The following TFAP2B variants were observed in gnomAD, a reference collection of about 807,000 sequenced individuals.
The protein encoded by TFAP2B is transcription factor AP-2 beta, also known as transcription factor AP-2-beta.
A neutral mutation model predicts 44.3 loss-of-function variants in TFAP2B; 9 were observed. That is an observed-to-expected ratio of 0.20 (90% CI 0.12 to 0.35). TFAP2B has a LOEUF of 0.35. Ranked by LOEUF, TFAP2B falls within the 10% of genes least tolerant of loss-of-function variation. The pLI, the probability that TFAP2B is intolerant of heterozygous loss-of-function variation, is 1.00. For synonymous variants in TFAP2B, 270 were observed against 263.8 expected (o/e 1.02, Z -0.23); for missense variants, 509 against 600.0 (o/e 0.85, Z 1.59).
intron 6 of TFAP2B, among the ~76,000 whole-genome samples, chr6:50,840,899 T>C (rs1762713638): frequency 6.6e-6 from 1 of 152,260 alleles, no homozygotes; most frequent in South Asian, 2.1e-4. Context: ...TGTCATATTG[T>C]TGGTGTTTTA....
intron 3 of TFAP2B, among the ~76,000 whole-genome samples, chr6:50,833,675 T>C (rs1247554751): frequency 6.6e-6 from 1 of 152,102 alleles, no homozygotes; most frequent in Non-Finnish European, 1.5e-5. Context: ...CCAAAGGAAA[T>C]AGCTCTTGTC....
At chr6:50,825,969 G>A (rs981521039) in intron 2 of TFAP2B, among the ~76,000 whole-genome samples, 1 of 152,196 alleles carries the variant, frequency 6.6e-6, no homozygotes, top group Non-Finnish European at 1.5e-5. Flanking sequence ...AGGCCAGGGT[G>A]AAGTTGACTG....
In TFAP2B at chr6:50,836,057, CTAG is replaced by C. The variant is rs761259334; in HGVS notation, c.602-2_602del. ...CTTTATGGCAATTTTTTCTCTCTTT[CTAG>C]TTCCAGTTCCTCCCAAATCGGTGAC... On this transcript the variant is annotated splice_acceptor_variant and splice_polypyrimidine_tract_variant and intron_variant, in intron 3 of 6. Coordinates refer to ENST00000393655, the MANE Select transcript of TFAP2B (RefSeq NM_003221.4). LOFTEE classifies it high-confidence loss of function. The C allele has an allele frequency of 1.2e-6, 2 of 1,613,308 alleles. No homozygotes were observed. The highest frequency in any genetic ancestry group is 1.7e-6 in the Non-Finnish European group (2 of 1,179,384).
intron 1 of TFAP2B, among the ~76,000 whole-genome samples, chr6:50,821,071 G>A (rs1770330532): frequency 6.6e-6 from 1 of 152,228 alleles, no homozygotes; most frequent in Non-Finnish European, 1.5e-5. Context: ...GACTAAGGTT[G>A]AACTTTAACA....
intron 3 of TFAP2B, 41 bp from the exon 4 acceptor site, chr6:50,836,020 A>G: frequency 6.5e-7 from 1 of 1,535,886 alleles, no homozygotes; most frequent in South Asian, 1.1e-5. Context: ...ATCAGGATCG[A>G]AACTTGGTCA....
At chr6:50,841,065 A>T (rs1438251222) in intron 6 of TFAP2B, among the ~76,000 whole-genome samples, 1 of 152,234 alleles carries the variant, frequency 6.6e-6, no homozygotes, top group Non-Finnish European at 1.5e-5. Flanking sequence ...AGGCTGAAAA[A>T]TCATTTGCTC....
At chr6:50,842,990 T>C in intron 6 of TFAP2B, 102 bp from the exon 7 acceptor site, 3 of 1,496,456 alleles carry the variant, frequency 2.0e-6, no homozygotes, top group Non-Finnish European at 1.9e-6. Context: ...GCCTCGCTCT[T>C]CGGTGACCCG....
intron 2 of TFAP2B, among the ~76,000 whole-genome samples, chr6:50,826,409 A>G (rs1449400051): frequency 6.6e-6 from 1 of 152,186 alleles, no homozygotes; most frequent in Non-Finnish European, 1.5e-5. Flanking sequence ...ATGAGAGAAG[A>G]GAAAGAGGAG....
At chr6:50,824,913 A>G (rs540155291) in intron 2 of TFAP2B, among the ~76,000 whole-genome samples, 10 of 152,372 alleles carry the variant, frequency 6.6e-5, no homozygotes, top group African/African-American at 2.4e-4. Context: ...CAGGTATGTA[A>G]TTGACACTTC....
intron 1 of TFAP2B, chr6:50,822,003 T>C: frequency 4.9e-6 from 2 of 410,734 alleles, no homozygotes; most frequent in Non-Finnish European, 8.2e-6. Context: ...TTTTTTTTTT[T>C]TTTTTTGATG....
intron 1 of TFAP2B, chr6:50,822,246 T>C: frequency 9.2e-7 from 1 of 1,084,062 alleles, no homozygotes; most frequent in Non-Finnish European, 1.3e-6. Context: ...TGTGTGTGTG[T>C]CTCACACTCT....
chr6:50,832,210 A>G (rs1206544124), intron 3 of TFAP2B, among the ~76,000 whole-genome samples: 1 of 152,090 alleles, frequency 6.6e-6, no homozygotes, highest in African/African-American at 2.4e-5. Context: ...CCTGAGAAAC[A>G]CTGCAGCCAC....
chr6:50,847,373 A>G lies in TFAP2B; in HGVS notation c.*3981A>G, dbSNP rs1419857703. ...GAGGGTATTCATGTTAAGTTTGTAT[A>G]TATTTATTTATGCTTAATTTAATGG... On this transcript the variant is annotated 3_prime_UTR_variant, in exon 7 of 7. Transcript: ENST00000393655. 1.3e-5 allele frequency: 2 copies of G among 152,584 alleles called. No homozygotes were observed. Among genetic ancestry groups the G allele is most frequent in the Non-Finnish European group, 1.5e-5 (1 of 68,032 alleles). 9.5% of individuals were successfully genotyped at this position (152,584 alleles called of 1,614,324 possible). A position where few individuals can be genotyped will look rare whatever the true frequency, so the allele number is the denominator to read the frequency against.
chr6:50,841,961 C>A (rs1414298472), intron 6 of TFAP2B, among the ~76,000 whole-genome samples: 2 of 152,228 alleles, frequency 1.3e-5, no homozygotes, highest in Non-Finnish European at 2.9e-5. Context: ...GTGGCAGCAC[C>A]CTAGGAAAGG....
In TFAP2B at chr6:50,836,292, A is replaced by G; in HGVS notation, c.821+12A>G. On this transcript the variant is annotated intron_variant, in intron 4 of 6. Coordinates refer to ENST00000393655, the MANE Select transcript of TFAP2B (RefSeq NM_003221.4). The stretch of plus-strand genomic sequence containing the variant: ...GGAGTCCTCAGAAGGTAACCCCACC[A>G]CGAAAAACAAAAACAAAAACAAAAA... 6.2e-7 allele frequency: 1 copy of G among 1,606,498 alleles called. No individual in the cohort carries two copies. The highest frequency in any genetic ancestry group is 1.1e-5 in the South Asian group (1 of 90,846).
chr6:50,835,740 A>G (rs559113018), intron 3 of TFAP2B, among the ~76,000 whole-genome samples: 5 of 152,252 alleles, frequency 3.3e-5, no homozygotes, highest in Admixed American at 1.3e-4. Context: ...GAGTTAGCAC[A>G]CGATGGAATA....
In TFAP2B at chr6:50,828,661, C is replaced by G; in HGVS notation, c.583C>G (p.Gln195Glu). The G allele has an allele frequency of 6.2e-7, 1 of 1,614,022 alleles. No individual in the cohort carries two copies. Among genetic ancestry groups the G allele is most frequent in the Non-Finnish European group, 8.5e-7 (1 of 1,179,956 alleles). The change falls in exon 3 of 7, where the codon CAG becomes GAG. Residue 195 changes from glutamine to glutamate, a missense_variant. Gln to Glu is a conservative substitution (Grantham distance 29). This residue lies in a region of TFAP2B where 296 missense variants were observed against 308.2 expected (regional missense o/e 0.96). Coordinates refer to ENST00000393655, the MANE Select transcript of TFAP2B (RefSeq NM_003221.4). ...TAACAGCGGCATGAATCTATTGGAC[C>G]AGTCTGTCATTAAAAAAGGTATGGA... ...ANNSGMNLLD[Q>E]SVIKKVPVPP...
intron 6 of TFAP2B, among the ~76,000 whole-genome samples, chr6:50,840,886 C>T (rs143435709): frequency 1.6e-3 from 248 of 152,350 alleles, no homozygotes; most frequent in African/African-American, 5.4e-3. Context: ...TCTTTGGCTT[C>T]GGTGTCATAT....
rs1401745573 is a variant in TFAP2B, at chr6:50,823,426, C to G, written c.101C>G (p.Pro34Arg). ...TCCCAGGACCGGCACGATGGTGTCC[C>G]GAGCCACAGCTCGCGGCTCTCCCAG... The part of the protein sequence containing the change: ...DIYEDRHDGV[P>R]SHSSRLSQLG... The change falls in exon 2 of 7, where the codon CCG (proline) becomes CGG (arginine). Residue 34 changes from proline (P) to arginine (R), a missense_variant. Transcript: ENST00000393655. 6.2e-7 allele frequency: 1 copy of G among 1,600,374 alleles called. No individual in the cohort carries two copies. The highest frequency in any genetic ancestry group is 8.5e-7 in the Non-Finnish European group (1 of 1,173,912).
Sources: gnomAD v4.1 joint callset for allele counts (sites outside exome capture counted in the v4.1 genomes callset) on GRCh38, gnomAD v4.1.1 for gene constraint, gnomAD v4.1.1 regional missense constraint, MANE v1.5 for transcripts, NCBI Gene and HGNC (gene_info 2026-07-23, HGNC 2026-07-21) for gene names.